LAS1L: variants seen among roughly 807,000 people sequenced by gnomAD.
LAS1L encodes LAS1 like ribosome biogenesis factor.
A neutral mutation model predicts 57.3 loss-of-function variants in LAS1L; 5 were observed. That is an observed-to-expected ratio of 0.09 (90% CI 0.05 to 0.18). LAS1L has a LOEUF of 0.18. Among genes scored for constraint, LAS1L ranks in the 10% least tolerant of loss-of-function variants. LAS1L has a pLI of 1.00. For missense variants in LAS1L, 360 were observed against 568.3 expected, an observed-to-expected ratio of 0.63 and a Z score of 3.73; for synonymous variants, 245 against 231.7, an observed-to-expected ratio of 1.06 and a Z score of -0.52.
intron 7 of LAS1L, among the ~76,000 whole-genome samples, chrX:65,526,938 G>A (rs1375725523): frequency 4.5e-5 from 5 of 110,782 alleles, no homozygotes; most frequent in Non-Finnish European, 9.4e-5. Flanking sequence ...CAGGACGGGC[G>A]TGGTGGCTCA....
At chrX:65,525,822 G>T (rs2069113705) in intron 7 of LAS1L, among the ~76,000 whole-genome samples, 1 of 106,103 alleles carries the variant, frequency 9.4e-6, no homozygotes, top group Admixed American at 9.9e-5. Context: ...ACCTACACCA[G>T]CAACAGCAAG....
intron 7 of LAS1L, among the ~76,000 whole-genome samples, chrX:65,526,268 A>G (rs2069137772): frequency 9.0e-6 from 1 of 111,455 alleles, no homozygotes; most frequent in Non-Finnish European, 1.9e-5. Context: ...TAGCAACACT[A>G]AACAGATATA....
chrX:65,531,055 C>T (rs1352223241), intron 4 of LAS1L, among the ~76,000 whole-genome samples: 1 of 111,935 alleles, frequency 8.9e-6, no homozygotes, highest in Non-Finnish European at 1.9e-5. Context: ...TCAAAATATG[C>T]CAAGCCATGT....
At chrX:65,515,927 G>A (rs1438853638) in intron 12 of LAS1L, among the ~76,000 whole-genome samples, 1 of 111,670 alleles carries the variant, frequency 9.0e-6, no homozygotes, top group East Asian at 2.8e-4. Flanking sequence ...TGGGGATGCC[G>A]GACATCCCCC....
At chrX:65,523,774 A>G in intron 10 of LAS1L, 67 bp from the exon 11 acceptor site, 2 of 1,087,460 alleles carry the variant, frequency 1.8e-6, no homozygotes, top group South Asian at 2.3e-5. Context: ...TTCACCTCAG[A>G]AAGTTTGGCT....
intron 11 of LAS1L, among the ~76,000 whole-genome samples, chrX:65,519,160 T>G (rs1221184341): frequency 9.0e-6 from 1 of 110,639 alleles, no homozygotes; most frequent in Non-Finnish European, 1.9e-5. Context: ...GTGCAGGAGG[T>G]AGGGCCCGGG....
intron 11 of LAS1L, among the ~76,000 whole-genome samples, chrX:65,520,087 C>G (rs1363461484): frequency 8.9e-6 from 1 of 111,780 alleles, no homozygotes; most frequent in Non-Finnish European, 1.9e-5. Context: ...TACCCACCTG[C>G]TATCTCGAAC....
chrX:65,531,324 T>C (rs776618016), intron 4 of LAS1L, 33 bp downstream of exon 4: 2 of 1,100,897 alleles, frequency 1.8e-6, no homozygotes, highest in Non-Finnish European at 2.5e-6. Context: ...CCCCTGGGCT[T>C]AACTGTGATA....
At chrX:65,524,727 A>T in intron 8 of LAS1L, 113 bp from the exon 9 acceptor site, 1 of 484,184 alleles carries the variant, frequency 2.1e-6, no homozygotes, top group Middle Eastern at 3.6e-4. Context: ...TAATGTCATT[A>T]AGACTCCCCG....
Position 65,531,261 on chromosome X carries a change from C to T in LAS1L, c.514+96G>A, listed in dbSNP as rs1009994759. 31 of 523,812 alleles carry T rather than the reference C, an allele frequency of 5.9e-5. No homozygotes were observed. In the South Asian group the frequency reaches 1.3e-3, roughly 23 times the overall value. 43.2% of individuals were successfully genotyped at this position (523,812 alleles called of 1,213,427 possible). On this transcript the variant is annotated intron_variant, in intron 4 of 13. Transcript: ENST00000374811. ...TTCACCCTAGTCCCAGCCTTGACTC[C>T]AGGTGGAGACCCTCCTGCCTATCCC... is the stretch of plus-strand genomic sequence containing the variant.
chrX:65,533,570 C>T (rs1229320268), intron 2 of LAS1L, 40 bp downstream of exon 2: 1 of 1,200,653 alleles, frequency 8.3e-7, no homozygotes, highest in South Asian at 1.8e-5. Flanking sequence ...GCCTCCAGTC[C>T]CCAAAGCCAA....
intron 12 of LAS1L, 148 bp from the exon 13 acceptor site, chrX:65,515,121 T>G: frequency 2.0e-6 from 1 of 488,818 alleles, no homozygotes; most frequent in Non-Finnish European, 3.3e-6. Flanking sequence ...TCGGTATCAC[T>G]TCTCATGAGC....
At chrX:65,516,956 G>A (rs915416001) in intron 12 of LAS1L, among the ~76,000 whole-genome samples, 11 of 110,485 alleles carry the variant, frequency 1.0e-4, no homozygotes, top group African/African-American at 3.3e-4. Flanking sequence ...CCCACATCAC[G>A]CAGGCCCAGC....
intron 4 of LAS1L, 75 bp downstream of exon 4, chrX:65,531,282 A>G: frequency 1.4e-6 from 1 of 713,535 alleles, no homozygotes; most frequent in Non-Finnish European, 2.1e-6. Context: ...CCTCCTGCCT[A>G]TCCCTCTACC....
rs2068570493 is a variant in LAS1L at position 65,514,750 on chromosome X, T to A, written c.2078+73A>T. On this transcript the variant is annotated intron_variant, in intron 13 of 13. Coordinates refer to ENST00000374811, the MANE Select transcript of LAS1L (RefSeq NM_031206.7). ...GGGACAGCTACCTCCCCCACCCACCTCACCTTGTCTTCTCTCCCTCCCACA... is the reference window on the plus strand; with the variant it reads ...GGGACAGCTACCTCCCCCACCCACCACACCTTGTCTTCTCTCCCTCCCACA... 3 of 1,027,601 alleles carry A rather than the reference T, an allele frequency of 2.9e-6. No homozygotes were observed. The South Asian group carries it at 7.4e-5, about 25-fold the overall frequency. 84.7% of individuals were successfully genotyped at this position (1,027,601 alleles called of 1,213,427 possible).
At chrX:65,515,872 A>G (rs1195670088) in intron 12 of LAS1L, among the ~76,000 whole-genome samples, 1 of 111,639 alleles carries the variant, frequency 9.0e-6, no homozygotes, top group Non-Finnish European at 1.9e-5. Context: ...GACTTTCCAC[A>G]TTCACAACTC....
intron 11 of LAS1L, chrX:65,520,353 T>C: frequency 1.9e-6 from 1 of 532,128 alleles, no homozygotes; most frequent in Non-Finnish European, 2.3e-6. Flanking sequence ...TATATAATAC[T>C]TCCACCTCCC....
At position 65,524,112 on chromosome X, in the gene LAS1L, C is replaced by T; in HGVS notation, c.1244G>A (p.Arg415Gln). 8.3e-7 allele frequency: 1 copy of T among 1,209,457 alleles called. No homozygotes were observed. Among genetic ancestry groups the T allele is most frequent in the East Asian group, 3.0e-5 (1 of 33,714 alleles). The change falls in exon 10 of 14, where the codon CGG (arginine) becomes CAG (glutamine). Residue 415 changes from arginine to glutamine, a missense_variant. Around this residue, in one of 7 missense-constraint regions of LAS1L, gnomAD observed 81 missense variants for 192.1 expected, o/e 0.42. Coordinates refer to ENST00000374811, the MANE Select transcript of LAS1L (RefSeq NM_031206.7). ...GGTCCATCTGAGGATGTAGGTAGGCCGGATCCCGCTGATCCCCAAGGCTGG... is the reference window on the plus strand; with the variant it reads ...GGTCCATCTGAGGATGTAGGTAGGCTGGATCCCGCTGATCCCCAAGGCTGG... ...ELPALGISGI[R>Q]PTYILRWTVE...
Position 65,512,865 on chromosome X carries a change from G to A in LAS1L, c.2115C>T (p.Asn705=). Residue 705 remains asparagine, a synonymous_variant, in exon 14 of 14, where the codon AAC becomes AAT. Transcript: ENST00000374811. ...AGTTGCTGCTGCTGCTGTTGCTGCA[G>A]TTGCCACTGCCGACACCACAGCTCA... ...LGLSCGVGSG[N]CSNSSSSNFE... 7 of 1,167,962 alleles carry A rather than the reference G, an allele frequency of 6.0e-6. 1 individual carries two copies. In the South Asian group the frequency reaches 9.5e-5, roughly 16 times the overall value.
Sources: gnomAD v4.1 joint callset for allele counts (sites outside exome capture counted in the v4.1 genomes callset) on GRCh38, gnomAD v4.1.1 for gene constraint, gnomAD v4.1.1 regional missense constraint, MANE v1.5 for transcripts, NCBI Gene and HGNC (gene_info 2026-07-23, HGNC 2026-07-21) for gene names.